OPCML: variants seen among roughly 807,000 people sequenced by gnomAD.
OPCML encodes the protein opioid binding protein/cell adhesion molecule like.
A neutral mutation model predicts 37.8 loss-of-function variants in OPCML; 13 were observed. That is an observed-to-expected ratio of 0.34 (90% CI 0.22 to 0.55). The LOEUF is 0.55. Among genes scored for constraint, OPCML ranks in the 20% least tolerant of loss-of-function variants. The pLI is 0.91. For synonymous variants in OPCML, 176 were observed against 168.8 expected (o/e 1.04, Z -0.33); for missense variants, 341 against 435.6 (o/e 0.78, Z 1.93).
intron 1 of OPCML, among the ~76,000 whole-genome samples, chr11:133,130,203 G>A (rs1295345246): frequency 6.6e-6 from 1 of 151,576 alleles, no homozygotes; most frequent in African/African-American, 2.4e-5. Flanking sequence ...AGACAATGAA[G>A]AAGAAAATAC....
At chr11:133,408,645 C>T (rs758146455) in intron 1 of OPCML, among the ~76,000 whole-genome samples, 18 of 152,196 alleles carry the variant, frequency 1.2e-4, no homozygotes, top group Non-Finnish European at 2.2e-4. Context: ...CACACTCACC[C>T]CCACACTCAC....
chr11:133,364,029 C>T (rs774619737), intron 1 of OPCML, among the ~76,000 whole-genome samples: 1 of 152,216 alleles, frequency 6.6e-6, no homozygotes, highest in South Asian at 2.1e-4. Context: ...CCCACTCCTA[C>T]TCCTCCCGCT....
intron 1 of OPCML, among the ~76,000 whole-genome samples, chr11:133,475,008 A>C (rs2137013623): frequency 6.6e-6 from 1 of 152,210 alleles, no homozygotes; most frequent in East Asian, 1.9e-4. Flanking sequence ...GTTACCAAGA[A>C]AGTTTTTGGC....
At chr11:133,422,378 T>G (rs1945907050) in intron 1 of OPCML, 1 of 612,578 alleles carries the variant, frequency 1.6e-6, no homozygotes. Context: ...CCAAAGACAT[T>G]ATATATATAT....
rs539433949 is a variant in OPCML, at chr11:133,507,911, C to T, written c.61+24353G>A. ...GCAGTGAGCTGAGATCACACCACTGCACTCCAGACTGGGTGACAGAGTGAA... is the reference window on the plus strand; with the variant it reads ...GCAGTGAGCTGAGATCACACCACTGTACTCCAGACTGGGTGACAGAGTGAA... On this transcript the variant is annotated intron_variant, in intron 1 of 7. Coordinates refer to ENST00000524381, the MANE Select transcript of OPCML (RefSeq NM_001012393.5). 2.0e-5 allele frequency among the ~76,000 whole-genome samples: 3 copies of T among 149,562 alleles called. No homozygotes were observed. The South Asian group carries it at 6.4e-4, about 32-fold the overall frequency.
At chr11:132,948,003 C>T (rs1945782910) in intron 1 of OPCML, among the ~76,000 whole-genome samples, 1 of 152,162 alleles carries the variant, frequency 6.6e-6, no homozygotes, top group Non-Finnish European at 1.5e-5. Context: ...TTGGGATGCT[C>T]AACCTATACT....
At chr11:132,519,277 T>C (rs757215977) in intron 4 of OPCML, among the ~76,000 whole-genome samples, 6 of 152,146 alleles carry the variant, frequency 3.9e-5, no homozygotes, top group Non-Finnish European at 7.4e-5. Context: ...TGGGGGTCAA[T>C]GTGAAGGCAT....
chr11:133,231,898 G>C (rs1344449176), intron 1 of OPCML, among the ~76,000 whole-genome samples: 1 of 151,966 alleles, frequency 6.6e-6, no homozygotes, highest in Non-Finnish European at 1.5e-5. Flanking sequence ...GAGTGGGGAA[G>C]TCAGTAGATT....
intron 2 of OPCML, among the ~76,000 whole-genome samples, chr11:132,719,109 G>A (rs2135973232): frequency 6.6e-6 from 1 of 152,332 alleles, no homozygotes; most frequent in African/African-American, 2.4e-5. Context: ...AAGCAGGGTG[G>A]AGGGTCCCTG....
At chr11:132,421,354 C>T (rs1401596965) in intron 7 of OPCML, among the ~76,000 whole-genome samples, 1 of 152,204 alleles carries the variant, frequency 6.6e-6, no homozygotes, top group Non-Finnish European at 1.5e-5. Context: ...CAGTACACCT[C>T]TTCTACCATC....
intron 1 of OPCML, among the ~76,000 whole-genome samples, chr11:133,049,369 G>A (rs1297489338): frequency 6.6e-6 from 1 of 152,138 alleles, no homozygotes; most frequent in Non-Finnish European, 1.5e-5. Context: ...ATCGCGGGCA[G>A]CCTGGGGTAG....
At chr11:133,453,432 T>C (rs68101450) in intron 1 of OPCML, among the ~76,000 whole-genome samples, 1 of 152,106 alleles carries the variant, frequency 6.6e-6, no homozygotes, top group East Asian at 1.9e-4. Context: ...GCTTTGCTTT[T>C]CTTTTTCATA....
intron 3 of OPCML, among the ~76,000 whole-genome samples, chr11:132,623,310 C>A (rs1939537402): frequency 6.6e-6 from 1 of 151,840 alleles, no homozygotes; most frequent in African/African-American, 2.4e-5. Flanking sequence ...TTAAATGGCT[C>A]CTTCATCGCC....
At chr11:132,904,279 A>C (rs1944160210) in intron 2 of OPCML, among the ~76,000 whole-genome samples, 1 of 152,220 alleles carries the variant, frequency 6.6e-6, no homozygotes, top group East Asian at 1.9e-4. Context: ...TATCTAATAG[A>C]GCAACAGATG....
At chr11:132,678,119 C>G (rs776646477) in intron 2 of OPCML, among the ~76,000 whole-genome samples, 1 of 152,158 alleles carries the variant, frequency 6.6e-6, no homozygotes. Flanking sequence ...AGAAGACATA[C>G]AGATGGCAAG....
At chr11:132,665,264 G>A (rs1942168723) in intron 2 of OPCML, among the ~76,000 whole-genome samples, 1 of 152,208 alleles carries the variant, frequency 6.6e-6, no homozygotes, top group Admixed American at 6.5e-5. Flanking sequence ...ATCAGCCACT[G>A]GATGATAATG....
intron 1 of OPCML, among the ~76,000 whole-genome samples, chr11:133,442,026 A>G (rs1012561819): frequency 6.6e-5 from 10 of 152,326 alleles, no homozygotes; most frequent in Admixed American, 3.3e-4. Context: ...GCTACTGGCC[A>G]GCCACTGTTT....
intron 1 of OPCML, among the ~76,000 whole-genome samples, chr11:133,275,935 A>C (rs1208279525): frequency 6.6e-6 from 1 of 152,202 alleles, no homozygotes; most frequent in Non-Finnish European, 1.5e-5. Context: ...TCAATGACTG[A>C]ATGTATTCAT....
At chr11:133,454,568 A>C (rs1565642565) in intron 1 of OPCML, among the ~76,000 whole-genome samples, 3 of 152,242 alleles carry the variant, frequency 2.0e-5, no homozygotes, top group African/African-American at 7.2e-5. Context: ...GATAGAATTC[A>C]AGTATTTTCT....
Sources: allele counts gnomAD v4.1 joint callset (sites outside exome capture counted in the v4.1 genomes callset), GRCh38; gene constraint gnomAD v4.1.1; transcripts MANE v1.5; gene names NCBI Gene and HGNC (gene_info 2026-07-23, HGNC 2026-07-21).